SYNE3: variants seen among roughly 807,000 people sequenced by gnomAD.
SYNE3 encodes the protein nesprin-3.
SYNE3 carries 100 observed loss-of-function variants against 111.2 expected under a neutral mutation model. That is an observed-to-expected ratio of 0.90 (90% CI 0.77 to 1.06). The LOEUF (loss-of-function observed/expected upper bound fraction) is 1.06. SYNE3 is among the 50% of genes least tolerant of loss of function. SYNE3 has a pLI of 0.00. For missense variants in SYNE3, 1,160 were observed against 1,240.3 expected (o/e 0.94, Z 0.97); for synonymous variants, 547 against 533.9 (o/e 1.02, Z -0.34).
rs138569380 is a variant in SYNE3 at position 95,461,428 on chromosome 14, G to A, written c.628-4090C>T. Among the ~76,000 whole-genome samples, 194 of 152,284 alleles carry A rather than the reference G, an allele frequency of 1.3e-3. 2 individuals carry two copies. The highest frequency in any genetic ancestry group is 8.5e-3 in the Admixed American group (130 of 15,308). ...TCTACATTTCACTTGCAAACACTGC[G>A]GGCTGACAATGTGCCATTGCTCCCC... is the stretch of plus-strand genomic sequence containing the variant. On this transcript the variant is annotated intron_variant, in intron 4 of 17. Transcript: ENST00000682763.
chr14:95,474,320 G>A (rs898965245), intron 2 of SYNE3, among the ~76,000 whole-genome samples: 19 of 152,228 alleles, frequency 1.2e-4, no homozygotes, highest in Non-Finnish European at 2.6e-4. Context: ...TGGGACCCAC[G>A]TTAGGGGTGT....
At chr14:95,468,526 C>T (rs1307076422) in intron 2 of SYNE3, among the ~76,000 whole-genome samples, 1 of 152,202 alleles carries the variant, frequency 6.6e-6, no homozygotes, top group Non-Finnish European at 1.5e-5. Flanking sequence ...AGCTGGGACA[C>T]TGAAGCAGCT....
In SYNE3 at chr14:95,452,352, G is replaced by C. The variant is rs773107598; in HGVS notation, c.1169C>G (p.Pro390Arg). 7 of 1,613,176 alleles carry C rather than the reference G, an allele frequency of 4.3e-6. No individual in the cohort carries two copies. Residue 390 changes from proline to arginine, a missense_variant, in exon 7 of 18, where the codon CCC (proline) becomes CGC (arginine). Pro to Arg is a moderately radical substitution (Grantham distance 103). Transcript: ENST00000682763. The stretch of plus-strand genomic sequence containing the variant: ...CTGGGCTTGCAGCCGGTCCACCCGG[G>C]GCTCCTCCGAGGCCAGCGCCGCCCG... ...ATRAALASEE[P>R]RVDRLQAQLK...
intron 4 of SYNE3, among the ~76,000 whole-genome samples, chr14:95,461,356 G>A (rs1887804164): frequency 6.6e-6 from 1 of 152,158 alleles, no homozygotes; most frequent in South Asian, 2.1e-4. Context: ...ACTAAATCGG[G>A]ATTAAAAACA....
chr14:95,453,196 C>T (rs1280217769), intron 6 of SYNE3, among the ~76,000 whole-genome samples: 1 of 152,180 alleles, frequency 6.6e-6, no homozygotes, highest in African/African-American at 2.4e-5. Flanking sequence ...TCACCAACCA[C>T]GTGGGTCGGG....
intron 1 of SYNE3, among the ~76,000 whole-genome samples, chr14:95,488,863 C>T (rs1043986379): frequency 6.6e-6 from 1 of 152,226 alleles, no homozygotes. Flanking sequence ...TCAGTCTTTT[C>T]ATCTTAGCCC....
intron 1 of SYNE3, among the ~76,000 whole-genome samples, chr14:95,480,774 G>A (rs1889193815): frequency 6.6e-6 from 1 of 152,006 alleles, no homozygotes. Context: ...AAAAAAAAAG[G>A]CCAGCCATGG....
At chr14:95,420,689 A>T (rs1343452765) in intron 17 of SYNE3, among the ~76,000 whole-genome samples, 1 of 151,918 alleles carries the variant, frequency 6.6e-6, no homozygotes, top group Non-Finnish European at 1.5e-5. Flanking sequence ...ACCTTTCAAT[A>T]TGTTTCCCAA....
chr14:95,445,400 T>C (rs183852368), intron 9 of SYNE3, among the ~76,000 whole-genome samples: 182 of 152,330 alleles, frequency 1.2e-3, no homozygotes, highest in African/African-American at 4.1e-3. Context: ...CCCTGGCCCA[T>C]AGCCAGTGCC....
At chr14:95,433,462 C>G in intron 15 of SYNE3, 53 bp from the exon 16 acceptor site, 1 of 1,603,454 alleles carries the variant, frequency 6.2e-7, no homozygotes, top group Admixed American at 1.7e-5. Flanking sequence ...CAGACAGCCC[C>G]ACCTGAATGG....
At chr14:95,469,914 A>G (rs1046594714) in intron 2 of SYNE3, among the ~76,000 whole-genome samples, 1 of 152,154 alleles carries the variant, frequency 6.6e-6, no homozygotes, top group African/African-American at 2.4e-5. Flanking sequence ...TGATAATAGT[A>G]TAGAAGGACT....
chr14:95,417,708 A>G lies in SYNE3; in HGVS notation c.*118T>C. ...GAACGCTGACACAGCACTGATATGGATGCAGCTCTGCAGTCTTTGCCCTGC... is the reference window on the plus strand; with the variant it reads ...GAACGCTGACACAGCACTGATATGGGTGCAGCTCTGCAGTCTTTGCCCTGC... On this transcript the variant is annotated 3_prime_UTR_variant, in exon 18 of 18. Coordinates refer to ENST00000682763, the MANE Select transcript of SYNE3 (RefSeq NM_152592.6). The G allele has an allele frequency of 2.8e-6, 3 of 1,055,686 alleles. No individual in the cohort carries two copies. The highest frequency in any genetic ancestry group is 2.9e-6 in the Non-Finnish European group (2 of 679,044). 65.4% of individuals were successfully genotyped at this position (1,055,686 alleles called of 1,614,324 possible).
chr14:95,502,226 C>G (rs750067902), intron 1 of SYNE3, among the ~76,000 whole-genome samples: 1 of 152,100 alleles, frequency 6.6e-6, no homozygotes, highest in African/African-American at 2.4e-5. Context: ...CCTCATATCC[C>G]CTTCCAAGAC....
intron 1 of SYNE3, among the ~76,000 whole-genome samples, chr14:95,487,749 G>A (rs552394751): frequency 1.3e-5 from 2 of 152,140 alleles, no homozygotes; most frequent in Admixed American, 1.3e-4. Context: ...GCTGACTGTC[G>A]TTGTAGATTT....
Position 95,449,963 on chromosome 14 carries a change from G to C in SYNE3, c.1417C>G (p.Pro473Ala). 1 of 1,554,612 alleles carries C rather than the reference G, an allele frequency of 6.4e-7. No homozygotes were observed. The highest frequency in any genetic ancestry group is 8.7e-7 in the Non-Finnish European group (1 of 1,148,768). Residue 473 changes from proline to alanine, a missense_variant, in exon 8 of 18, where the codon CCT (proline) becomes GCT (alanine). Pro to Ala is a conservative substitution (Grantham distance 27, BLOSUM62 -1). Coordinates refer to ENST00000682763, the MANE Select transcript of SYNE3 (RefSeq NM_152592.6). The stretch of plus-strand genomic sequence containing the variant: ...TGGGGCAGGAAGGTGTGAAGGGAAG[G>C]CAGGTCCGGCAGGCTGGCAGTGACC... ...LEVTASLPDL[P>A]SLHTFLPQIE...
intron 6 of SYNE3, 123 bp downstream of exon 6, chr14:95,455,254 C>A (rs577212057): frequency 1.3e-6 from 1 of 748,714 alleles, no homozygotes; most frequent in East Asian, 2.9e-5. Flanking sequence ...CCAAGAATCC[C>A]GGAGAAACAG....
intron 11 of SYNE3, among the ~76,000 whole-genome samples, chr14:95,441,952 C>A (rs1452204283): frequency 1.3e-5 from 2 of 152,158 alleles, no homozygotes; most frequent in African/African-American, 4.8e-5. Context: ...CAGAATTTGC[C>A]CACATCCCAC....
At chr14:95,471,628 T>C (rs1888535115) in intron 2 of SYNE3, among the ~76,000 whole-genome samples, 1 of 152,200 alleles carries the variant, frequency 6.6e-6, no homozygotes, top group Non-Finnish European at 1.5e-5. Flanking sequence ...AAAAGCCGAA[T>C]TTTGAGAAGT....
intron 4 of SYNE3, among the ~76,000 whole-genome samples, chr14:95,462,918 G>C (rs45606936): frequency 3.9e-5 from 6 of 152,148 alleles, no homozygotes; most frequent in Admixed American, 2.0e-4. Context: ...CCAGCACTTC[G>C]GGAGGCCAAG....
Sources: gnomAD v4.1 joint callset for allele counts (sites outside exome capture counted in the v4.1 genomes callset) on GRCh38, gnomAD v4.1.1 for gene constraint, MANE v1.5 for transcripts, NCBI Gene and HGNC (gene_info 2026-07-23, HGNC 2026-07-21) for gene names.